Variants in AUTS2 observed in about 807,000 individuals in gnomAD.
The protein encoded by AUTS2 is activator of transcription and developmental regulator AUTS2.
A neutral mutation model predicts 112.4 loss-of-function variants in AUTS2; 17 were observed. The observed-to-expected ratio is 0.15, with a 90% CI of 0.10 to 0.23. The LOEUF (loss-of-function observed/expected upper bound fraction) is 0.23. Ranked by LOEUF, AUTS2 falls within the 10% of genes least tolerant of loss-of-function variation. The pLI is 1.00. For missense variants in AUTS2, 1,510 were observed against 1,701.6 expected, an observed-to-expected ratio of 0.89 and a Z score of 1.98; for synonymous variants, 751 against 702.7, an observed-to-expected ratio of 1.07 and a Z score of -1.09.
chr7:69,599,410 T>G lies in AUTS2; in HGVS notation c.-244T>G, dbSNP rs1792243892. On this transcript the variant is annotated 5_prime_UTR_variant, in exon 1 of 19. Coordinates refer to ENST00000342771, the MANE Select transcript of AUTS2 (RefSeq NM_015570.4). The surrounding 1 kb of genome is among the most constrained non-coding windows in gnomAD (Gnocchi z 7.0). ...CTCGGTGCTGTGGGGAGCCCCACAC[T>G]TGGGCTCCTCGCCTCTCGCCCTCGC... is the stretch of plus-strand genomic sequence containing the variant. 1 of 369,512 alleles carries G rather than the reference T, an allele frequency of 2.7e-6. No individual in the cohort carries two copies. The highest frequency in any genetic ancestry group is 4.7e-5 in the Admixed American group (1 of 21,286). 22.9% of individuals were successfully genotyped at this position (369,512 alleles called of 1,614,324 possible). A position where few individuals can be genotyped will look rare whatever the true frequency, so the allele number is the denominator to read the frequency against.
intron 4 of AUTS2, among the ~76,000 whole-genome samples, chr7:70,278,693 G>A (rs1217354395): frequency 2.0e-5 from 3 of 152,098 alleles, no homozygotes; most frequent in African/African-American, 7.2e-5. Context: ...GTAAATATCA[G>A]CTATACCTGA....
At chr7:70,391,298 T>C (rs1204128052) in intron 4 of AUTS2, among the ~76,000 whole-genome samples, 4 of 152,240 alleles carry the variant, frequency 2.6e-5, no homozygotes, top group Non-Finnish European at 5.9e-5. Context: ...GTGAGAATAT[T>C]GAGGCCATTT....
At chr7:69,667,790 C>T (rs533656217) in intron 1 of AUTS2, among the ~76,000 whole-genome samples, 2 of 152,284 alleles carry the variant, frequency 1.3e-5, no homozygotes, top group South Asian at 2.1e-4. Flanking sequence ...AATCCAGTAG[C>T]GGCAATTACC....
At chr7:69,942,739 C>G (rs1277666021) in intron 2 of AUTS2, among the ~76,000 whole-genome samples, 1 of 152,178 alleles carries the variant, frequency 6.6e-6, no homozygotes, top group Non-Finnish European at 1.5e-5. Context: ...CTGGTGATTT[C>G]TGCATGATTT....
Position 70,003,172 on chromosome 7 carries a change from T to TTATATGAATATATTA in AUTS2, c.522+103748_522+103762dup, listed in dbSNP as rs1272283802. Among the ~76,000 whole-genome samples, 262 of 126,652 alleles carry TTATATGAATATATTA rather than the reference T, an allele frequency of 2.1e-3. 6 individuals carry two copies. The highest frequency in any genetic ancestry group is 5.7e-3 in the African/African-American group (182 of 31,834). The allele number at this position is 126,652 out of a possible 152,430, so 83.1% of individuals were successfully genotyped here. On this transcript the variant is annotated intron_variant, in intron 2 of 18. Transcript: ENST00000342771. ...ACTATATTATATATATTCATATATATTATATGAATATATTATATATGAATA... is the reference window on the plus strand; with the variant it reads ...ACTATATTATATATATTCATATATATTATATGAATATATTATATATGAATATATTATATATGAATA...
chr7:70,531,473 A>G (rs1354830016), intron 5 of AUTS2, among the ~76,000 whole-genome samples: 6 of 152,188 alleles, frequency 3.9e-5, no homozygotes, highest in South Asian at 2.1e-4. Context: ...CTTTGCAAGC[A>G]TGGTGCCAGC....
chr7:70,027,406 G>T (rs1472722706), intron 2 of AUTS2, among the ~76,000 whole-genome samples: 1 of 151,914 alleles, frequency 6.6e-6, no homozygotes, highest in East Asian at 1.9e-4. Context: ...TCCTTGACTT[G>T]TCTCACTTCT....
chr7:70,040,347 T>G (rs1801192665), intron 2 of AUTS2, among the ~76,000 whole-genome samples: 1 of 152,194 alleles, frequency 6.6e-6, no homozygotes. Context: ...AGTTTTTCTA[T>G]GAACCTAAAA....
At chr7:69,721,507 C>T (rs1798938632) in intron 1 of AUTS2, among the ~76,000 whole-genome samples, 2 of 152,140 alleles carry the variant, frequency 1.3e-5, no homozygotes, top group African/African-American at 4.8e-5. Flanking sequence ...GTTTCTTTTG[C>T]CCATCAGTGT....
intron 5 of AUTS2, among the ~76,000 whole-genome samples, chr7:70,586,958 AT>A (rs1302408903): frequency 6.6e-6 from 1 of 152,220 alleles, no homozygotes; most frequent in African/African-American, 2.4e-5. Context: ...TGTTTTTGGA[AT>A]CTCCATTTGA....
At chr7:69,948,394 A>G (rs1252826532) in intron 2 of AUTS2, among the ~76,000 whole-genome samples, 3 of 152,214 alleles carry the variant, frequency 2.0e-5, no homozygotes, top group Non-Finnish European at 4.4e-5. Context: ...GATCAAAGAT[A>G]TTTTCTCAAA....
intron 2 of AUTS2, among the ~76,000 whole-genome samples, chr7:70,034,271 A>G (rs976700960): frequency 2.8e-4 from 43 of 152,064 alleles, no homozygotes; most frequent in African/African-American, 9.9e-4. Flanking sequence ...TATCATTCCT[A>G]CTCTGTCTCT....
chr7:70,702,074 G>T (rs1238773400), intron 6 of AUTS2, among the ~76,000 whole-genome samples: 1 of 152,174 alleles, frequency 6.6e-6, no homozygotes, highest in Admixed American at 6.5e-5. Context: ...CACCAGTTTG[G>T]TCTGTAGACA....
At chr7:70,184,238 T>C (rs1408011470) in intron 4 of AUTS2, among the ~76,000 whole-genome samples, 3 of 152,178 alleles carry the variant, frequency 2.0e-5, no homozygotes, top group Non-Finnish European at 4.4e-5. Context: ...AGAAAACCAG[T>C]TGGTTATATA....
intron 2 of AUTS2, among the ~76,000 whole-genome samples, chr7:70,003,413 G>T (rs1420789976): frequency 8.4e-6 from 1 of 118,804 alleles, no homozygotes; most frequent in East Asian, 2.4e-4. Context: ...TAATATATAT[G>T]AATATGTTAT....
At chr7:70,610,710 A>G (rs1029155463) in intron 5 of AUTS2, among the ~76,000 whole-genome samples, 3 of 152,046 alleles carry the variant, frequency 2.0e-5, no homozygotes, top group African/African-American at 7.2e-5. Flanking sequence ...TATTCATTGT[A>G]GTTTTAATTT....
chr7:69,887,266 A>T (rs1277642893), intron 1 of AUTS2, among the ~76,000 whole-genome samples: 18 of 151,964 alleles, frequency 1.2e-4, no homozygotes, highest in Non-Finnish European at 1.5e-5. Context: ...AATACAAAAA[A>T]TTAGCCGGGC....
intron 4 of AUTS2, among the ~76,000 whole-genome samples, chr7:70,417,190 C>T (rs550860311): frequency 7.9e-5 from 12 of 152,332 alleles, no homozygotes; most frequent in South Asian, 2.1e-4. Flanking sequence ...AGTGCCTCCT[C>T]CCCAGCTAAT....
At chr7:69,797,970 A>G (rs1325536702) in intron 1 of AUTS2, among the ~76,000 whole-genome samples, 1 of 152,066 alleles carries the variant, frequency 6.6e-6, no homozygotes, top group Non-Finnish European at 1.5e-5. Context: ...TAACTTGGCT[A>G]TGCTACTGGG....
Sources: allele counts gnomAD v4.1 joint callset (sites outside exome capture counted in the v4.1 genomes callset), GRCh38; gene constraint gnomAD v4.1.1; non-coding constraint Gnocchi (gnomAD v3.1); transcripts MANE v1.5; gene names NCBI Gene and HGNC (gene_info 2026-07-23, HGNC 2026-07-21).